SARNP: variants seen among roughly 807,000 people sequenced by gnomAD.
The protein encoded by SARNP is SAP domain-containing ribonucleoprotein.
SARNP carries 5 observed loss-of-function variants against 38.1 expected under a neutral mutation model. The ratio of observed to expected loss-of-function variants is 0.13; its 90% CI spans 0.07 to 0.28. The LOEUF is 0.28. SARNP is among the 10% of genes least tolerant of loss of function. SARNP has a pLI of 1.00. For missense variants in SARNP, 180 were observed against 243.9 expected, an observed-to-expected ratio of 0.74 and a Z score of 1.75; for synonymous variants, 84 against 80.6, an observed-to-expected ratio of 1.04 and a Z score of -0.23.
chr12:55,790,992 A>G (rs1879650795), intron 7 of SARNP, among the ~76,000 whole-genome samples: 1 of 152,280 alleles, frequency 6.6e-6, no homozygotes, highest in South Asian at 2.1e-4. Flanking sequence ...GTATATCCAT[A>G]CAATGGAATA....
intron 9 of SARNP, among the ~76,000 whole-genome samples, chr12:55,770,925 C>A (rs568480012): frequency 6.6e-6 from 1 of 151,478 alleles, no homozygotes; most frequent in East Asian, 1.9e-4. Context: ...AAAGCATTCA[C>A]CTTCTTCAAT....
chr12:55,817,214 T>C (rs117960147), intron 1 of SARNP, among the ~76,000 whole-genome samples: 2,065 of 152,082 alleles, frequency 0.014, 23 homozygotes, highest in East Asian at 0.021. Flanking sequence ...CTGGTACCTA[T>C]TTAGACAGAA....
At chr12:55,813,008 G>C (rs1242887641) in intron 1 of SARNP, among the ~76,000 whole-genome samples, 1 of 151,926 alleles carries the variant, frequency 6.6e-6, no homozygotes, top group Admixed American at 6.6e-5. Context: ...GTGCAATGGC[G>C]CGATCTCGGC....
At chr12:55,784,975 A>C (rs970851009) in intron 9 of SARNP, among the ~76,000 whole-genome samples, 1 of 152,222 alleles carries the variant, frequency 6.6e-6, no homozygotes, top group Non-Finnish European at 1.5e-5. Context: ...TGTTACTTAA[A>C]ATATAGTCTT....
rs1565673497 is a variant in SARNP, at chr12:55,774,558, T to TAAAAAAAAA, written c.502-13919_502-13918insTTTTTTTTT. Reference sequence around the variant, plus strand: ...CGACACGGTGAAACCCCGTCTCTACTGAAAAAAAAAAAAAAACAAACAAAA... The same window carrying TAAAAAAAAA: ...CGACACGGTGAAACCCCGTCTCTACTAAAAAAAAAGAAAAAAAAAAAAAAACAAACAAAA... On this transcript the variant is annotated intron_variant, in intron 9 of 10. Coordinates refer to ENST00000336133, the MANE Select transcript of SARNP (RefSeq NM_033082.4). 3.8e-3 allele frequency among the ~76,000 whole-genome samples: 152 copies of TAAAAAAAAA among 40,508 alleles called. 16 individuals are homozygous for TAAAAAAAAA. The highest frequency in any genetic ancestry group is 4.2e-3 in the Non-Finnish European group (43 of 10,218). The allele number at this position is 40,508 out of a possible 152,430, so 26.6% of individuals were successfully genotyped here. A position where few individuals can be genotyped will look rare whatever the true frequency, so the allele number is the denominator to read the frequency against.
intron 7 of SARNP, among the ~76,000 whole-genome samples, chr12:55,792,114 C>T (rs563008610): frequency 3.3e-5 from 5 of 152,144 alleles, no homozygotes; most frequent in African/African-American, 9.6e-5. Flanking sequence ...AAAAGCACCA[C>T]GTTCTATAAT....
chr12:55,794,344 T>C lies in SARNP; in HGVS notation c.406+15A>G. 1 of 1,602,720 alleles carries C rather than the reference T, an allele frequency of 6.2e-7. No individual in the cohort carries two copies. Among genetic ancestry groups the C allele is most frequent in the African/African-American group, 1.3e-5 (1 of 74,602 alleles). ...TAAAAAGGTAACTTTCTCAGAAGTA[T>C]CTCTGTACTCTTACCTTTTGTTGGA... is the stretch of plus-strand genomic sequence containing the variant. On this transcript the variant is annotated intron_variant, in intron 7 of 10. Coordinates refer to ENST00000336133, the MANE Select transcript of SARNP (RefSeq NM_033082.4).
At chr12:55,810,451 ATTTTT>A (rs199532602) in intron 1 of SARNP, among the ~76,000 whole-genome samples, 14 of 136,044 alleles carry the variant, frequency 1.0e-4, no homozygotes, top group African/African-American at 3.8e-4. Flanking sequence ...CTGACCTTGA[ATTTTT>A]TTTTTTTTTT....
At chr12:55,788,975 G>A in intron 9 of SARNP, 100 bp downstream of exon 9, 2 of 769,336 alleles carry the variant, frequency 2.6e-6, no homozygotes, top group Non-Finnish European at 4.5e-6. Context: ...GAAATGCTTT[G>A]TAGCCAGCTA....
At position 55,817,291 on chromosome 12, in the gene SARNP, A is replaced by G. The variant is rs1880520832; in HGVS notation, c.36+375T>C. Among the ~76,000 whole-genome samples, 4 of 152,284 alleles carry G rather than the reference A, an allele frequency of 2.6e-5. No homozygotes were observed. The South Asian group carries it at 8.3e-4, about 32-fold the overall frequency. On this transcript the variant is annotated intron_variant, in intron 1 of 10. Coordinates refer to ENST00000336133, the MANE Select transcript of SARNP (RefSeq NM_033082.4). ...CTTCGGACGACAGACTGGAAACATCATCCCAGGGAAGAAAAACGGATCCTG... is the reference window on the plus strand; with the variant it reads ...CTTCGGACGACAGACTGGAAACATCGTCCCAGGGAAGAAAAACGGATCCTG...
At chr12:55,816,965 G>A (rs992403519) in intron 1 of SARNP, among the ~76,000 whole-genome samples, 4 of 152,128 alleles carry the variant, frequency 2.6e-5, no homozygotes, top group Non-Finnish European at 5.9e-5. Flanking sequence ...TATTGCAGGT[G>A]TGAGTTCTCT....
chr12:55,816,688 A>G (rs1350539895), intron 1 of SARNP, among the ~76,000 whole-genome samples: 1 of 152,268 alleles, frequency 6.6e-6, no homozygotes, highest in Non-Finnish European at 1.5e-5. Context: ...TGGGAAAACT[A>G]CTTGTGAAAC....
intron 8 of SARNP, 114 bp downstream of exon 8, chr12:55,790,453 A>G (rs1435289370): frequency 8.6e-7 from 1 of 1,166,348 alleles, no homozygotes; most frequent in Non-Finnish European, 1.2e-6. Context: ...TACTGAAAAG[A>G]GTCAACAAAT....
chr12:55,760,777 G>A, intron 9 of SARNP, 137 bp from the exon 10 acceptor site: 1 of 637,498 alleles, frequency 1.6e-6, no homozygotes, highest in South Asian at 1.9e-5. Context: ...AAAGAGATAA[G>A]ATACATAAGA....
At chr12:55,799,449 A>C (rs11171681) in intron 4 of SARNP, among the ~76,000 whole-genome samples, 14,575 of 151,952 alleles carry the variant, frequency 0.096, 1,090 homozygotes, top group African/African-American at 0.2. Flanking sequence ...TTGTCCTCCC[A>C]TCCTCCACTG....
intron 10 of SARNP, among the ~76,000 whole-genome samples, chr12:55,759,690 C>T (rs941803451): frequency 6.6e-6 from 1 of 152,202 alleles, no homozygotes; most frequent in African/African-American, 2.4e-5. Flanking sequence ...ATCTGCCTGC[C>T]TCAGCCTCCC....
chr12:55,780,156 T>C (rs1258398968), intron 9 of SARNP, among the ~76,000 whole-genome samples: 4 of 149,328 alleles, frequency 2.7e-5, no homozygotes. Context: ...TCCAAATAAG[T>C]AAATAAATAA....
At chr12:55,791,253 T>C (rs1245878581) in intron 7 of SARNP, among the ~76,000 whole-genome samples, 4 of 152,218 alleles carry the variant, frequency 2.6e-5, no homozygotes, top group Admixed American at 2.0e-4. Context: ...ACGGTGATGA[T>C]GGCTGCACAA....
intron 9 of SARNP, among the ~76,000 whole-genome samples, chr12:55,774,145 C>T (rs547298279): frequency 1.7e-4 from 26 of 152,098 alleles, no homozygotes; most frequent in Admixed American, 9.8e-4. Flanking sequence ...GCTGGGACTT[C>T]AGGCATGCCA....
Sources: gnomAD v4.1 joint callset for allele counts (sites outside exome capture counted in the v4.1 genomes callset) on GRCh38, gnomAD v4.1.1 for gene constraint, MANE v1.5 for transcripts, NCBI Gene and HGNC (gene_info 2026-07-23, HGNC 2026-07-21) for gene names.